SHPRH: variants seen among roughly 807,000 people sequenced by gnomAD.
SHPRH encodes SNF2 histone linker PHD RING helicase.
Under a neutral mutation model 202.5 loss-of-function variants are expected in SHPRH, and 106 were observed. The ratio of observed to expected loss-of-function variants is 0.52; its 90% CI spans 0.45 to 0.62. The LOEUF (loss-of-function observed/expected upper bound fraction) is 0.62, where lower values mean the gene tolerates loss of function less well. Ranked by LOEUF, SHPRH falls within the 20% of genes least tolerant of loss-of-function variation. SHPRH has a pLI of 0.00. For missense variants in SHPRH, 1,710 were observed against 2,020.0 expected, an observed-to-expected ratio of 0.85 and a Z score of 2.94; for synonymous variants, 729 against 686.0, an observed-to-expected ratio of 1.06 and a Z score of -0.98.
intron 2 of SHPRH, among the ~76,000 whole-genome samples, chr6:145,865,610 G>T (rs1035484686): frequency 6.6e-6 from 1 of 152,204 alleles, no homozygotes; most frequent in African/African-American, 2.4e-5. Flanking sequence ...TTCCATCACA[G>T]TTCAAGCTAC....
At chr6:145,877,323 T>C (rs1012479348) in intron 2 of SHPRH, among the ~76,000 whole-genome samples, 5 of 152,192 alleles carry the variant, frequency 3.3e-5, no homozygotes, top group African/African-American at 1.2e-4. Flanking sequence ...ACAAAACTTG[T>C]TATTGTCTAT....
intron 2 of SHPRH, among the ~76,000 whole-genome samples, chr6:145,866,205 ACTT>A (rs558704878): frequency 7.9e-4 from 121 of 152,288 alleles, no homozygotes; most frequent in Non-Finnish European, 1.4e-3. Flanking sequence ...GTGCTTCTTG[ACTT>A]CTTTTTTGAA....
chr6:145,873,792 C>G (rs1020262042), intron 2 of SHPRH, among the ~76,000 whole-genome samples: 1 of 152,090 alleles, frequency 6.6e-6, no homozygotes, highest in African/African-American at 2.4e-5. Flanking sequence ...GTCCCAGCCT[C>G]TAGAAGCCAG....
intron 25 of SHPRH, chr6:145,908,351 C>G (rs916984508): frequency 6.6e-6 from 1 of 152,130 alleles, no homozygotes; most frequent in Non-Finnish European, 1.5e-5. Flanking sequence ...CTGTCTTCCA[C>G]AATGGTTGCA....
At chr6:145,963,273 T>A (rs190508896) in intron 1 of SHPRH, among the ~76,000 whole-genome samples, 11 of 152,314 alleles carry the variant, frequency 7.2e-5, no homozygotes, top group African/African-American at 1.9e-4. Context: ...AAGAGTTTCA[T>A]CATTCCTACT....
At chr6:145,928,700 G>A (rs1304411543) in intron 14 of SHPRH, among the ~76,000 whole-genome samples, 1 of 151,800 alleles carries the variant, frequency 6.6e-6, no homozygotes, top group Non-Finnish European at 1.5e-5. Flanking sequence ...TCAGTGTTGT[G>A]CAAAACACCT....
chr6:145,919,772 TTG>T (rs1355259707), intron 21 of SHPRH, among the ~76,000 whole-genome samples: 2 of 149,802 alleles, frequency 1.3e-5, no homozygotes, highest in Non-Finnish European at 2.9e-5. Flanking sequence ...ACAGAATCTC[TTG>T]TTTTATTTTT....
intron 2 of SHPRH, among the ~76,000 whole-genome samples, chr6:145,953,804 T>A (rs1049304348): frequency 1.3e-5 from 2 of 152,028 alleles, no homozygotes; most frequent in Non-Finnish European, 2.9e-5. Flanking sequence ...AAACTGAAAT[T>A]AGAGCATTTA....
Position 145,916,629 on chromosome 6 carries a change from T to C in SHPRH, c.4254+1502A>G, listed in dbSNP as rs576767681. Among the ~76,000 whole-genome samples, 4 of 152,276 alleles carry C rather than the reference T, an allele frequency of 2.6e-5. No homozygotes were observed. In the South Asian group the frequency reaches 8.3e-4, roughly 32 times the overall value. Reference sequence around the variant, plus strand: ...CCAAATTGGATTTTCTTAGGTAGAATATTTATATCCTTAAAATTTTAGGTT... The same window carrying C: ...CCAAATTGGATTTTCTTAGGTAGAACATTTATATCCTTAAAATTTTAGGTT... On this transcript the variant is annotated intron_variant, in intron 23 of 29. Transcript: ENST00000275233.
At chr6:145,889,823 G>A (rs1431719438) in intron 28 of SHPRH, among the ~76,000 whole-genome samples, 1 of 152,102 alleles carries the variant, frequency 6.6e-6, no homozygotes, top group Admixed American at 6.6e-5. Flanking sequence ...TGGAGTCCAG[G>A]ACAAATGAAT....
rs1781224780 is a variant in SHPRH at position 145,887,921 on chromosome 6, G to A, written c.4955+99C>T. The A allele has an allele frequency of 1.2e-5, 11 of 892,618 alleles. No homozygotes were observed. In the South Asian group the frequency reaches 1.5e-4, roughly 12 times the overall value. The allele number at this position is 892,618 out of a possible 1,614,324, so 55.3% of individuals were successfully genotyped here. ...ACTTTGCTTTTAAAAACGTATTTGT[G>A]CTATATTTTTCGTTGTCATCTAAGT... On this transcript the variant is annotated intron_variant, in intron 29 of 29. Transcript: ENST00000275233.
At chr6:145,868,864 A>G (rs1442317170) in intron 2 of SHPRH, among the ~76,000 whole-genome samples, 1 of 152,222 alleles carries the variant, frequency 6.6e-6, no homozygotes, top group African/African-American at 2.4e-5. Flanking sequence ...ATTTTTAGGA[A>G]AAAGTTAAAA....
chr6:145,877,489 G>A (rs989705189), intron 2 of SHPRH, among the ~76,000 whole-genome samples: 2 of 152,118 alleles, frequency 1.3e-5, no homozygotes, highest in African/African-American at 4.8e-5. Context: ...ATCTGACTCT[G>A]GCGTGACATT....
rs191051388 is a variant in SHPRH at position 145,945,702 on chromosome 6, T to C, written c.1322-65A>G. ...AAAATGAAAAGAAAGTAAAACTTGGTTAATCTTAATCTGCATGAGGACTGA... is the reference window on the plus strand; with the variant it reads ...AAAATGAAAAGAAAGTAAAACTTGGCTAATCTTAATCTGCATGAGGACTGA... On this transcript the variant is annotated intron_variant, in intron 7 of 29. Coordinates refer to ENST00000275233, the MANE Select transcript of SHPRH (RefSeq NM_001042683.3). 5.5e-6 allele frequency: 8 copies of C among 1,462,452 alleles called. No homozygotes were observed. The East Asian group carries it at 1.9e-4, about 35-fold the overall frequency. The allele number at this position is 1,462,452 out of a possible 1,614,324, so 90.6% of individuals were successfully genotyped here.
Position 145,947,539 on chromosome 6 carries a change from G to A in SHPRH, c.1166C>T (p.Thr389Ile). 6.2e-7 allele frequency: 1 copy of A among 1,612,938 alleles called. No homozygotes were observed. The highest frequency in any genetic ancestry group is 8.5e-7 in the Non-Finnish European group (1 of 1,179,302). ...TTGCTTGACATCTTGTCGAGTATGT[G>A]TCAGAATCAGAGCCAAAACCTCCAC... ...KTVEVLALIL[T>I]HTRQDVKQDA... is the part of the protein sequence containing the mutation. The change falls in exon 6 of 30, where the codon ACA becomes ATA. Residue 389 changes from threonine to isoleucine, a missense_variant. By Grantham distance (89) the Thr-to-Ile change is moderately conservative. Around this residue, in one of 8 missense-constraint regions of SHPRH, gnomAD observed 348 missense variants for 356.9 expected, o/e 0.97. Transcript: ENST00000275233.
At chr6:145,946,528 A>C (rs1787391973) in intron 6 of SHPRH, among the ~76,000 whole-genome samples, 187 bp from the exon 7 acceptor site, 1 of 152,042 alleles carries the variant, frequency 6.6e-6, no homozygotes, top group Non-Finnish European at 1.5e-5. Context: ...CTATCACTTA[A>C]AAAATTGTGC....
At chr6:145,939,165 G>GA (rs1562348046) in intron 11 of SHPRH, among the ~76,000 whole-genome samples, 3 of 151,574 alleles carry the variant, frequency 2.0e-5, no homozygotes, top group African/African-American at 2.4e-5. Context: ...GTGACAACTA[G>GA]AAAAAAAACA....
At chr6:145,935,236 T>G in intron 12 of SHPRH, 42 bp downstream of exon 12, 2 of 1,602,218 alleles carry the variant, frequency 1.2e-6, no homozygotes, top group Non-Finnish European at 1.7e-6. Context: ...TTGTTTCTTT[T>G]CTCTTATAGT....
At chr6:145,954,183 G>C (rs149887366) in intron 2 of SHPRH, among the ~76,000 whole-genome samples, 1 of 152,106 alleles carries the variant, frequency 6.6e-6, no homozygotes, top group East Asian at 1.9e-4. Flanking sequence ...CAAAGACGCA[G>C]AAAGTCAGTG....
Sources: gnomAD v4.1 joint callset for allele counts (sites outside exome capture counted in the v4.1 genomes callset) on GRCh38, gnomAD v4.1.1 for gene constraint, gnomAD v4.1.1 regional missense constraint, MANE v1.5 for transcripts, NCBI Gene and HGNC (gene_info 2026-07-23, HGNC 2026-07-21) for gene names.